BMP6: variants seen among roughly 807,000 people sequenced by gnomAD.
BMP6 encodes bone morphogenetic protein 6.
BMP6 carries 17 observed loss-of-function variants against 54.1 expected under a neutral mutation model. The observed-to-expected ratio is 0.31, with a 90% CI of 0.22 to 0.47. The LOEUF (loss-of-function observed/expected upper bound fraction) is 0.47. Among genes scored for constraint, BMP6 ranks in the 20% least tolerant of loss-of-function variants. BMP6 has a pLI of 1.00. For synonymous variants in BMP6, 328 were observed against 291.2 expected (o/e 1.13, Z -1.28); for missense variants, 720 against 690.4 (o/e 1.04, Z -0.48).
intron 1 of BMP6, among the ~76,000 whole-genome samples, chr6:7,791,040 C>G (rs1047239467): frequency 6.6e-6 from 1 of 152,160 alleles, no homozygotes; most frequent in Admixed American, 6.5e-5. Flanking sequence ...TCTCCCCTCT[C>G]CTCCGACAAA....
chr6:7,775,120 C>G (rs1202010025), intron 1 of BMP6, among the ~76,000 whole-genome samples: 2 of 152,228 alleles, frequency 1.3e-5, no homozygotes, highest in Non-Finnish European at 2.9e-5. Context: ...GGTCCCGCCT[C>G]TCAACAGTGT....
rs1265675831 is a variant in BMP6 at position 7,727,399 on chromosome 6, C to T, written c.444C>T (p.Asp148=). ...ACAACGCCCTGTCCGCCGACAACGA[C>T]GAGGACGGGGCGTCGGAGGGGGAGA... is the stretch of plus-strand genomic sequence containing the variant. The part of the protein sequence containing the change: ...DLYNALSADN[D]EDGASEGERQ... The change falls in exon 1 of 7, where the codon GAC becomes GAT. Residue 148 remains aspartate (D), a synonymous_variant. Coordinates refer to ENST00000283147, the MANE Select transcript of BMP6 (RefSeq NM_001718.6). 1.2e-6 allele frequency: 2 copies of T among 1,607,116 alleles called. No individual in the cohort carries two copies. Among genetic ancestry groups the T allele is most frequent in the Non-Finnish European group, 1.7e-6 (2 of 1,177,682 alleles).
chr6:7,748,257 G>C (rs1231435888), intron 1 of BMP6, among the ~76,000 whole-genome samples: 1 of 152,122 alleles, frequency 6.6e-6, no homozygotes, highest in African/African-American at 2.4e-5. Flanking sequence ...TGGTTGGGAG[G>C]ATTGAGATAA....
intron 1 of BMP6, among the ~76,000 whole-genome samples, chr6:7,816,042 A>AG (rs1343293753): frequency 6.6e-6 from 1 of 152,212 alleles, no homozygotes; most frequent in Non-Finnish European, 1.5e-5. Context: ...GTGACTCTTT[A>AG]GGATGGGGTT....
At chr6:7,796,126 T>A (rs981907131) in intron 1 of BMP6, among the ~76,000 whole-genome samples, 1 of 152,104 alleles carries the variant, frequency 6.6e-6, no homozygotes, top group African/African-American at 2.4e-5. Context: ...AAATAGTTCT[T>A]GAGATAGACA....
intron 1 of BMP6, among the ~76,000 whole-genome samples, chr6:7,762,165 A>G (rs887322831): frequency 6.6e-6 from 1 of 152,006 alleles, no homozygotes; most frequent in Non-Finnish European, 1.5e-5. Flanking sequence ...CAAATGATCC[A>G]CCTACCTCAG....
intron 4 of BMP6, among the ~76,000 whole-genome samples, chr6:7,877,682 A>C (rs1485385524): frequency 1.3e-5 from 2 of 152,222 alleles, no homozygotes; most frequent in Non-Finnish European, 2.9e-5. Context: ...AGAGCCAGGA[A>C]GACTGGGAGT....
intron 1 of BMP6, among the ~76,000 whole-genome samples, chr6:7,827,322 A>G (rs909130848): frequency 3.3e-5 from 5 of 152,230 alleles, no homozygotes; most frequent in African/African-American, 1.2e-4. Context: ...AAGTAACTTT[A>G]TACTGAGATA....
At chr6:7,751,483 A>G (rs190204421) in intron 1 of BMP6, among the ~76,000 whole-genome samples, 297 of 152,368 alleles carry the variant, frequency 1.9e-3, no homozygotes, top group Non-Finnish European at 3.6e-3. Context: ...CTGAATTTCT[A>G]GGATACAATA....
At chr6:7,827,269 G>A (rs572384012) in intron 1 of BMP6, among the ~76,000 whole-genome samples, 19 of 152,314 alleles carry the variant, frequency 1.2e-4, no homozygotes, top group South Asian at 1.0e-3. Context: ...AAAACAGCAC[G>A]TTAAGTGAGC....
At chr6:7,731,280 G>T (rs1478751708) in intron 1 of BMP6, among the ~76,000 whole-genome samples, 1 of 152,164 alleles carries the variant, frequency 6.6e-6, no homozygotes, top group African/African-American at 2.4e-5. Context: ...AGCCTAGTCA[G>T]CATCCCTGCC....
chr6:7,844,754 A>C (rs1759032958), intron 1 of BMP6, among the ~76,000 whole-genome samples: 1 of 152,130 alleles, frequency 6.6e-6, no homozygotes, highest in African/African-American at 2.4e-5. Context: ...CGGGGCCAGG[A>C]TGGGCGGACG....
chr6:7,792,586 G>A (rs559335039), intron 1 of BMP6, among the ~76,000 whole-genome samples: 39 of 152,246 alleles, frequency 2.6e-4, no homozygotes, highest in African/African-American at 7.9e-4. Flanking sequence ...ACATAGACAG[G>A]CACACAGGCA....
intron 1 of BMP6, among the ~76,000 whole-genome samples, chr6:7,828,840 C>T (rs572250007): frequency 5.9e-5 from 9 of 152,272 alleles, no homozygotes; most frequent in East Asian, 3.9e-4. Flanking sequence ...CAGATGCCCC[C>T]GATTAGGGAC....
At chr6:7,788,632 T>G (rs1758051246) in intron 1 of BMP6, among the ~76,000 whole-genome samples, 1 of 152,222 alleles carries the variant, frequency 6.6e-6, no homozygotes. Flanking sequence ...CTTTTCTCCT[T>G]CATACTTGGA....
At position 7,726,481 on chromosome 6, in the gene BMP6, C is replaced by T. The variant is rs913328142; in HGVS notation, c.-475C>T. Reference sequence around the variant, plus strand: ...CTGCGATCTGGGGAGGGGCGTGCGCCACGGTGATGCCGGGCATCTCCCGCA... The same window carrying T: ...CTGCGATCTGGGGAGGGGCGTGCGCTACGGTGATGCCGGGCATCTCCCGCA... On this transcript the variant is annotated 5_prime_UTR_variant, in exon 1 of 7. Transcript: ENST00000283147. 6.6e-6 allele frequency among the ~76,000 whole-genome samples: 1 copy of T among 152,182 alleles called. No homozygotes were observed. The highest frequency in any genetic ancestry group is 2.4e-5 in the African/African-American group (1 of 41,452).
At chr6:7,839,507 T>C (rs1758930870) in intron 1 of BMP6, among the ~76,000 whole-genome samples, 1 of 152,046 alleles carries the variant, frequency 6.6e-6, no homozygotes, top group Non-Finnish European at 1.5e-5. Context: ...CATTCTCCTT[T>C]CTATCTCTAT....
At chr6:7,740,429 G>A (rs1762025548) in intron 1 of BMP6, among the ~76,000 whole-genome samples, 1 of 152,022 alleles carries the variant, frequency 6.6e-6, no homozygotes, top group Non-Finnish European at 1.5e-5. Flanking sequence ...CATTACAAGT[G>A]CATTCGTAGA....
At chr6:7,757,180 A>G (rs919090214) in intron 1 of BMP6, among the ~76,000 whole-genome samples, 131 of 152,302 alleles carry the variant, frequency 8.6e-4, no homozygotes, top group Middle Eastern at 3.4e-3. Flanking sequence ...TCCATTTGTA[A>G]AATACATAGC....
Sources: allele counts gnomAD v4.1 joint callset (sites outside exome capture counted in the v4.1 genomes callset), GRCh38; gene constraint gnomAD v4.1.1; transcripts MANE v1.5; gene names NCBI Gene and HGNC (gene_info 2026-07-23, HGNC 2026-07-21).